TOP2B: variants seen among roughly 807,000 people sequenced by gnomAD.
TOP2B encodes the protein DNA topoisomerase II beta, also known as DNA topoisomerase 2-beta.
A neutral mutation model predicts 193.5 loss-of-function variants in TOP2B; 51 were observed. That is an observed-to-expected ratio of 0.26 (90% confidence interval 0.21 to 0.33). The LOEUF (loss-of-function observed/expected upper bound fraction) is 0.33, where lower values mean the gene tolerates loss of function less well. TOP2B is among the 10% of genes least tolerant of loss of function. The probability of loss-of-function intolerance (pLI) is 1.00; values close to 1 mark genes in which losing one functional copy is unlikely to be tolerated. For synonymous variants in TOP2B, 634 were observed against 635.7 expected (o/e 1.00, Z 0.04); for missense variants, 1,378 against 1,909.3 (o/e 0.72, Z 5.19).
intron 1 of TOP2B, among the ~76,000 whole-genome samples, chr3:25,657,225 T>C (rs967115141): frequency 1.3e-5 from 2 of 152,176 alleles, no homozygotes; most frequent in East Asian, 3.9e-4. Flanking sequence ...CAGCAGAAAG[T>C]TGTCCCCTGA....
At chr3:25,633,337 A>C (rs549974905) in intron 8 of TOP2B, among the ~76,000 whole-genome samples, 1 of 152,254 alleles carries the variant, frequency 6.6e-6, no homozygotes, top group South Asian at 2.1e-4. Context: ...AGCCAAATGG[A>C]AGAGATGCAT....
chr3:25,655,006 C>A (rs1010856078), intron 1 of TOP2B, among the ~76,000 whole-genome samples: 1 of 152,162 alleles, frequency 6.6e-6, no homozygotes, highest in African/African-American at 2.4e-5. Context: ...GCAATGATTT[C>A]ATGGATATGG....
intron 21 of TOP2B, among the ~76,000 whole-genome samples, chr3:25,622,714 C>T (rs1702690153): frequency 6.6e-6 from 1 of 151,168 alleles, no homozygotes; most frequent in African/African-American, 2.4e-5. Context: ...AATCTCGGCT[C>T]ACCGCAACCT....
intron 25 of TOP2B, among the ~76,000 whole-genome samples, chr3:25,617,927 T>A (rs565894231): frequency 2.6e-5 from 4 of 152,210 alleles, no homozygotes; most frequent in African/African-American, 7.2e-5. Flanking sequence ...AATCTAAGCA[T>A]GAGGCAGAGC....
chr3:25,649,326 A>G (rs1470814427), intron 1 of TOP2B, among the ~76,000 whole-genome samples: 1 of 152,202 alleles, frequency 6.6e-6, no homozygotes, highest in Non-Finnish European at 1.5e-5. Flanking sequence ...GAAAGAGCCT[A>G]TTTGAAGAAA....
intron 34 of TOP2B, 40 bp from the exon 35 acceptor site, chr3:25,599,569 T>C: frequency 3.2e-6 from 5 of 1,557,748 alleles, no homozygotes; most frequent in Non-Finnish European, 4.4e-6. Context: ...CGTGGTTAAG[T>C]GCAATATAAA....
Position 25,620,822 on chromosome 3 carries a change from G to C in TOP2B, c.2728-6C>G. On this transcript the variant is annotated splice_region_variant and splice_polypyrimidine_tract_variant and intron_variant, in intron 21 of 35. Coordinates refer to ENST00000264331, the MANE Select transcript of TOP2B (RefSeq NM_001330700.2). ...AAGTTTTTGTAGTTTGGAAGCTGTAGAGAAAAAGGTAAATAGCATTGACTT... is the reference window on the plus strand; with the variant it reads ...AAGTTTTTGTAGTTTGGAAGCTGTACAGAAAAAGGTAAATAGCATTGACTT... 6.2e-7 allele frequency: 1 copy of C among 1,612,382 alleles called. No homozygotes were observed. Among genetic ancestry groups the C allele is most frequent in the Non-Finnish European group, 8.5e-7 (1 of 1,179,102 alleles).
Position 25,609,596 on chromosome 3 carries a change from G to A in TOP2B, c.3903C>T (p.Pro1301=). 1.2e-6 allele frequency: 2 copies of A among 1,604,162 alleles called. No individual in the cohort carries two copies. The highest frequency in any genetic ancestry group is 8.5e-7 in the Non-Finnish European group (1 of 1,175,108). The stretch of plus-strand genomic sequence containing the variant: ...GCTCCTTCTTCTCCCTCTTAGGTTT[G>A]GGACCTTTATTTATAGGAACTGATG... ...LTPSVPINKG[P]KPKREKKEPG... is the part of the protein sequence containing the mutation. Residue 1301 remains proline (P), a synonymous_variant, in exon 29 of 36, where the codon CCC becomes CCT. Coordinates refer to ENST00000264331, the MANE Select transcript of TOP2B (RefSeq NM_001330700.2).
chr3:25,612,692 T>C lies in TOP2B; in HGVS notation c.3609A>G (p.Glu1203=), dbSNP rs866953693. The change falls in exon 28 of 36, where the codon GAA becomes GAG. Residue 1203 remains glutamate (E), a synonymous_variant. Transcript: ENST00000264331. ...ACATTCCAGCCAGAACATCTTCTCG[T>C]TCTTGAGATTCCACTTTCTAAAGTA... ...VEELDKVESQ[E]REDVLAGMSG... The C allele has an allele frequency of 3.7e-6, 6 of 1,613,306 alleles. No individual in the cohort carries two copies. Among genetic ancestry groups the C allele is most frequent in the South Asian group, 2.2e-5 (2 of 91,042 alleles).
chr3:25,640,304 T>C (rs1476735831), intron 4 of TOP2B, among the ~76,000 whole-genome samples: 2 of 152,116 alleles, frequency 1.3e-5, no homozygotes, highest in African/African-American at 2.4e-5. Flanking sequence ...TTTAGGAGTA[T>C]ATGAAATTCA....
intron 1 of TOP2B, among the ~76,000 whole-genome samples, chr3:25,648,474 CAG>C (rs1575585228): frequency 6.6e-6 from 1 of 152,118 alleles, no homozygotes; most frequent in Admixed American, 6.5e-5. Flanking sequence ...CCGCAAAGAC[CAG>C]AGAGTTAGCT....
chr3:25,660,908 A>G (rs1347194138), intron 1 of TOP2B, among the ~76,000 whole-genome samples: 1 of 152,144 alleles, frequency 6.6e-6, no homozygotes, highest in African/African-American at 2.4e-5. Flanking sequence ...AGAGATAAAT[A>G]CTGAAATATT....
At chr3:25,626,440 C>A in intron 18 of TOP2B, 120 bp downstream of exon 18, 2 of 524,568 alleles carry the variant, frequency 3.8e-6, no homozygotes, top group South Asian at 4.0e-5. Context: ...TCTGAATAAG[C>A]TCTTCATATA....
rs1053310825 is a variant in TOP2B, at chr3:25,664,851, C to A, written c.-554G>T. ...ACACCGAGAGGGACAATAAACAGAG[C>A]CGCCGCCGCCGCCGCCACGGTCACC... is the stretch of plus-strand genomic sequence containing the variant. On this transcript the variant is annotated 5_prime_UTR_variant, in exon 1 of 36. Coordinates refer to ENST00000264331, the MANE Select transcript of TOP2B (RefSeq NM_001330700.2). The A allele has an allele frequency of 5.1e-6, 5 of 989,162 alleles. No homozygotes were observed. The highest frequency in any genetic ancestry group is 1.8e-5 in the African/African-American group (1 of 56,090). 61.3% of individuals were successfully genotyped at this position (989,162 alleles called of 1,614,324 possible).
chr3:25,605,083 G>C (rs978083041), intron 32 of TOP2B, among the ~76,000 whole-genome samples: 1 of 152,084 alleles, frequency 6.6e-6, no homozygotes, highest in Non-Finnish European at 1.5e-5. Flanking sequence ...TAACACAGAA[G>C]TGCATAAAGT....
intron 1 of TOP2B, among the ~76,000 whole-genome samples, chr3:25,647,591 C>T (rs564103529): frequency 3.2e-4 from 48 of 150,654 alleles, no homozygotes; most frequent in African/African-American, 1.1e-3. Context: ...ATGAACTAAA[C>T]TGAACTAAAG....
chr3:25,663,087 A>G (rs1036084732), intron 1 of TOP2B, among the ~76,000 whole-genome samples: 6 of 152,210 alleles, frequency 3.9e-5, no homozygotes, highest in African/African-American at 1.4e-4. Context: ...AATTTCAACA[A>G]TAAGAGCATG....
chr3:25,599,553 T>C, intron 34 of TOP2B, 24 bp from the exon 35 acceptor site: 1 of 1,594,786 alleles, frequency 6.3e-7, no homozygotes, highest in Non-Finnish European at 8.6e-7. Context: ...AAAAGGTTTT[T>C]TCTTCCGTGG....
At chr3:25,612,252 A>AT (rs1167408852) in intron 28 of TOP2B, among the ~76,000 whole-genome samples, 6 of 152,166 alleles carry the variant, frequency 3.9e-5, no homozygotes, top group African/African-American at 1.4e-4. Flanking sequence ...GGCTTCCAAG[A>AT]TTTTAACTTA....
Sources: allele counts gnomAD v4.1 joint callset (sites outside exome capture counted in the v4.1 genomes callset), GRCh38; gene constraint gnomAD v4.1.1; transcripts MANE v1.5; gene names NCBI Gene and HGNC (gene_info 2026-07-23, HGNC 2026-07-21).